The following PKNOX1 variants were observed in gnomAD, a reference collection of about 807,000 sequenced individuals.
The protein encoded by PKNOX1 is PBX/knotted 1 homeobox 1.
A neutral mutation model predicts 51.9 loss-of-function variants in PKNOX1; 15 were observed. The observed-to-expected ratio is 0.29, with a 90% CI of 0.19 to 0.45. PKNOX1 has a LOEUF of 0.45. Among genes scored for constraint, PKNOX1 ranks in the 20% least tolerant of loss-of-function variants. The pLI, the probability that PKNOX1 is intolerant of heterozygous loss-of-function variation, is 1.00. For missense variants in PKNOX1, 462 were observed against 547.5 expected (o/e 0.84, Z 1.56); for synonymous variants, 219 against 211.1 (o/e 1.04, Z -0.32).
At position 43,023,634 on chromosome 21, in the gene PKNOX1, T is replaced by A. The variant is rs1365263073; in HGVS notation, c.850-1237T>A. Among the ~76,000 whole-genome samples, 3 of 151,714 alleles carry A rather than the reference T, an allele frequency of 2.0e-5. 1 individual carries two copies. Among genetic ancestry groups the A allele is most frequent in the Admixed American group, 1.3e-4 (2 of 15,224 alleles). ...TGCTATCTAGTTCTGATTGGATTTTTTTTTTTTATTTTTCTGCACTCCCAG... is the reference window on the plus strand; with the variant it reads ...TGCTATCTAGTTCTGATTGGATTTTATTTTTTTATTTTTCTGCACTCCCAG... On this transcript the variant is annotated intron_variant, in intron 8 of 10. Transcript: ENST00000291547.
intron 1 of PKNOX1, among the ~76,000 whole-genome samples, chr21:42,988,281 C>T (rs563242116): frequency 4.6e-5 from 7 of 152,170 alleles, no homozygotes; most frequent in African/African-American, 1.7e-4. Flanking sequence ...AAACTCCTGA[C>T]CTCATGATCC....
intron 1 of PKNOX1, among the ~76,000 whole-genome samples, chr21:42,987,068 A>G (rs1194084437): frequency 6.6e-6 from 1 of 151,976 alleles, no homozygotes; most frequent in Non-Finnish European, 1.5e-5. Context: ...GTCAGAGAGC[A>G]CATTTTAGGT....
At position 42,974,868 on chromosome 21, in the gene PKNOX1, G is replaced by T. The variant is rs1156849178; in HGVS notation, c.-57+204G>T. 2.7e-5 allele frequency among the ~76,000 whole-genome samples: 4 copies of T among 147,920 alleles called. No individual in the cohort carries two copies. The East Asian group carries it at 8.0e-4, about 30-fold the overall frequency. On this transcript the variant is annotated intron_variant, in intron 1 of 10. Transcript: ENST00000291547. ...GGGGCGCGGGTGGGGGAGGGGAGCGGGCACCCGCGGGGGAGGGGGCGCCTT... is the reference window on the plus strand; with the variant it reads ...GGGGCGCGGGTGGGGGAGGGGAGCGTGCACCCGCGGGGGAGGGGGCGCCTT...
chr21:42,998,398 C>A (rs1195750526), intron 1 of PKNOX1, among the ~76,000 whole-genome samples: 1 of 152,080 alleles, frequency 6.6e-6, no homozygotes, highest in Admixed American at 6.6e-5. Flanking sequence ...TATCATTGTG[C>A]CCCTGCCCCC....
At chr21:43,011,791 A>G (rs552304179) in intron 4 of PKNOX1, among the ~76,000 whole-genome samples, 14 of 152,350 alleles carry the variant, frequency 9.2e-5, no homozygotes, top group African/African-American at 3.4e-4. Flanking sequence ...CTCGATGCTT[A>G]CCATGAAACA....
Position 43,013,377 on chromosome 21 carries a change from C to T in PKNOX1, c.522+139C>T, listed in dbSNP as rs545979466. 5.5e-6 allele frequency: 3 copies of T among 545,476 alleles called. No individual in the cohort carries two copies. The Admixed American group carries it at 1.2e-4, about 22-fold the overall frequency. 33.8% of individuals were successfully genotyped at this position (545,476 alleles called of 1,614,324 possible). A position where few individuals can be genotyped will look rare whatever the true frequency, so the allele number is the denominator to read the frequency against. On this transcript the variant is annotated intron_variant, in intron 5 of 10. Coordinates refer to ENST00000291547, the MANE Select transcript of PKNOX1 (RefSeq NM_004571.5). ...AAGAAGGACCCTCTAGGTCTCTGAC[C>T]CCAGCCTGGTTTGGGAATGAACTCC...
chr21:42,995,128 G>T (rs538165482), intron 1 of PKNOX1, among the ~76,000 whole-genome samples: 2 of 151,880 alleles, frequency 1.3e-5, no homozygotes, highest in South Asian at 2.1e-4. Flanking sequence ...TACCATCTTG[G>T]CCAGGCTGGT....
chr21:42,992,580 G>A (rs971579487), intron 1 of PKNOX1, among the ~76,000 whole-genome samples: 4 of 152,198 alleles, frequency 2.6e-5, no homozygotes, highest in Admixed American at 2.6e-4. Flanking sequence ...TGGGGGTGAC[G>A]TAATGACTGA....
At position 43,009,219 on chromosome 21, in the gene PKNOX1, G is replaced by A. The variant is rs185431013; in HGVS notation, c.180-834G>A. Among the ~76,000 whole-genome samples the A allele has an allele frequency of 7.2e-5, 11 of 152,224 alleles. No homozygotes were observed. The South Asian group carries it at 1.5e-3, about 20-fold the overall frequency. On this transcript the variant is annotated intron_variant, in intron 3 of 10. Coordinates refer to ENST00000291547, the MANE Select transcript of PKNOX1 (RefSeq NM_004571.5). Reference sequence around the variant, plus strand: ...TCCCAGCACTTTGGGAGGCTGAGGCGGTTGGATCATCTGAGGTCAGGAGTT... The same window carrying A: ...TCCCAGCACTTTGGGAGGCTGAGGCAGTTGGATCATCTGAGGTCAGGAGTT...
chr21:43,029,855 A>G, intron 10 of PKNOX1, 35 bp from the exon 11 acceptor site: 9 of 1,573,192 alleles, frequency 5.7e-6, no homozygotes, highest in Non-Finnish European at 7.9e-6. Flanking sequence ...TGTGAGTACT[A>G]ATTTAAATAA....
intron 9 of PKNOX1, among the ~76,000 whole-genome samples, chr21:43,028,322 A>G (rs1419785480): frequency 1.3e-5 from 2 of 152,180 alleles, no homozygotes; most frequent in African/African-American, 4.8e-5. Flanking sequence ...TGATGGCACT[A>G]CAGAAAGTCT....
At chr21:43,022,368 C>A (rs1979801100) in intron 8 of PKNOX1, among the ~76,000 whole-genome samples, 1 of 152,232 alleles carries the variant, frequency 6.6e-6, no homozygotes. Flanking sequence ...AGCCATCTCG[C>A]CATTTCGCGG....
chr21:42,984,637 C>T (rs1265350101), intron 1 of PKNOX1, among the ~76,000 whole-genome samples: 1 of 152,258 alleles, frequency 6.6e-6, no homozygotes, highest in Non-Finnish European at 1.5e-5. Flanking sequence ...ATCTGTCTGC[C>T]TTGGCCTCCC....
Position 43,021,169 on chromosome 21 carries a change from G to T in PKNOX1, c.721-134G>T. On this transcript the variant is annotated intron_variant, in intron 7 of 10. Transcript: ENST00000291547. The surrounding 1 kb of genome is among the most constrained non-coding windows in gnomAD (Gnocchi z 4.6). ...TGTCCTGAAACATCAGTCCACACAG[G>T]GTTCCCGTGCATGGGCCTCGACTAC... 1.6e-6 allele frequency: 1 copy of T among 642,120 alleles called. No individual in the cohort carries two copies. The highest frequency in any genetic ancestry group is 2.6e-6 in the Non-Finnish European group (1 of 380,786). The allele number at this position is 642,120 out of a possible 1,614,324, so 39.8% of individuals were successfully genotyped here. A position where few individuals can be genotyped will look rare whatever the true frequency, so the allele number is the denominator to read the frequency against.
At chr21:42,977,464 TC>T (rs1568884570) in intron 1 of PKNOX1, among the ~76,000 whole-genome samples, 2 of 152,082 alleles carry the variant, frequency 1.3e-5, no homozygotes, top group African/African-American at 4.8e-5. Flanking sequence ...ACTTGCTGCT[TC>T]ACCTTGTACT....
intron 1 of PKNOX1, among the ~76,000 whole-genome samples, chr21:42,984,091 T>C (rs974828497): frequency 3.4e-5 from 5 of 148,564 alleles, no homozygotes; most frequent in South Asian, 2.1e-4. Context: ...TGCGTGTGTG[T>C]GTGTGTGTGT....
intron 1 of PKNOX1, among the ~76,000 whole-genome samples, chr21:42,983,514 G>A (rs2059037110): frequency 6.6e-6 from 1 of 152,076 alleles, no homozygotes; most frequent in Non-Finnish European, 1.5e-5. Flanking sequence ...TGGATATACT[G>A]AATTTTGTTT....
chr21:43,014,674 C>T (rs1979408717), intron 5 of PKNOX1, among the ~76,000 whole-genome samples: 1 of 152,208 alleles, frequency 6.6e-6, no homozygotes, highest in Admixed American at 6.5e-5. Context: ...GTCCCAAACT[C>T]CTGGGCTCAA....
chr21:42,983,497 C>T (rs2059037035), intron 1 of PKNOX1, among the ~76,000 whole-genome samples: 1 of 152,056 alleles, frequency 6.6e-6, no homozygotes, highest in Non-Finnish European at 1.5e-5. Flanking sequence ...CTGAATACTC[C>T]ATTGTGTGGA....
Sources: allele counts gnomAD v4.1 joint callset (sites outside exome capture counted in the v4.1 genomes callset), GRCh38; gene constraint gnomAD v4.1.1; non-coding constraint Gnocchi (gnomAD v3.1); transcripts MANE v1.5; gene names NCBI Gene and HGNC (gene_info 2026-07-23, HGNC 2026-07-21).